Variants in CNTNAP2 observed in about 807,000 individuals in gnomAD.
The protein encoded by CNTNAP2 is contactin associated protein 2.
Under a neutral mutation model 155.2 loss-of-function variants are expected in CNTNAP2, and 98 were observed. The observed-to-expected ratio is 0.63, with a 90% CI of 0.54 to 0.75. The LOEUF (loss-of-function observed/expected upper bound fraction) is 0.75. Ranked by LOEUF, CNTNAP2 falls within the 30% of genes least tolerant of loss-of-function variation. CNTNAP2 has a pLI of 0.00. For missense variants in CNTNAP2, 1,727 were observed against 1,688.1 expected (o/e 1.02, Z -0.40); for synonymous variants, 651 against 631.2 (o/e 1.03, Z -0.47).
chr7:147,023,967 C>T (rs74901004), intron 3 of CNTNAP2, among the ~76,000 whole-genome samples: 133 of 152,294 alleles, frequency 8.7e-4, no homozygotes, highest in African/African-American at 2.9e-3. Flanking sequence ...CCCGAATCTC[C>T]TATTCATGTT....
chr7:146,117,184 T>G, intron 1 of CNTNAP2: 1 of 572,766 alleles, frequency 1.7e-6, no homozygotes, highest in African/African-American at 1.9e-5. Context: ...CTGGTGATGT[T>G]TCTGGAAAGT....
chr7:147,842,581 ACTTTT>A (rs1354968253), intron 13 of CNTNAP2, among the ~76,000 whole-genome samples: 5 of 56,560 alleles, frequency 8.8e-5, no homozygotes, highest in Admixed American at 4.2e-4. Context: ...TTTACTTTTT[ACTTTT>A]CTTTTTTTTT....
At chr7:147,705,166 C>A (rs1353708830) in intron 13 of CNTNAP2, among the ~76,000 whole-genome samples, 1 of 11,156 alleles carries the variant, frequency 9.0e-5, no homozygotes, top group Non-Finnish European at 1.3e-4. Context: ...TTATTGAAAT[C>A]TTTCTACTTT....
At chr7:147,630,956 C>G (rs1183815925) in intron 12 of CNTNAP2, among the ~76,000 whole-genome samples, 3 of 151,786 alleles carry the variant, frequency 2.0e-5, no homozygotes, top group African/African-American at 7.3e-5. Context: ...TAACATAGTA[C>G]TGGAACTCCT....
intron 1 of CNTNAP2, among the ~76,000 whole-genome samples, chr7:146,378,799 A>G (rs149821974): frequency 6.6e-6 from 1 of 152,350 alleles, no homozygotes; most frequent in East Asian, 1.9e-4. Flanking sequence ...GAAGGAGTAA[A>G]CTTTCTTGTT....
chr7:147,280,735 T>G (rs567194184), intron 8 of CNTNAP2, among the ~76,000 whole-genome samples: 1 of 152,082 alleles, frequency 6.6e-6, no homozygotes, highest in Non-Finnish European at 1.5e-5. Flanking sequence ...ACATAGAAAT[T>G]GTTCTGATGT....
At chr7:148,143,594 A>T (rs773115265) in intron 16 of CNTNAP2, among the ~76,000 whole-genome samples, 9 of 152,174 alleles carry the variant, frequency 5.9e-5, no homozygotes, top group Non-Finnish European at 1.2e-4. Context: ...TGGGAGAATC[A>T]TCTGAGCCCA....
At chr7:148,046,356 G>A (rs1802774322) in intron 15 of CNTNAP2, among the ~76,000 whole-genome samples, 1 of 152,054 alleles carries the variant, frequency 6.6e-6, no homozygotes, top group African/African-American at 2.4e-5. Flanking sequence ...ATAACATGTA[G>A]TTTATATCCA....
chr7:146,882,793 C>A (rs1795579269), intron 3 of CNTNAP2, among the ~76,000 whole-genome samples: 1 of 152,104 alleles, frequency 6.6e-6, no homozygotes, highest in South Asian at 2.1e-4. Context: ...AGGCTGAGAA[C>A]CAAATCAAGA....
At chr7:146,962,941 C>T (rs984052868) in intron 3 of CNTNAP2, 2 of 152,194 alleles carry the variant, frequency 1.3e-5, no homozygotes, top group African/African-American at 4.8e-5. Context: ...AGATCAGGAG[C>T]TACTGGAGAT....
intron 11 of CNTNAP2, among the ~76,000 whole-genome samples, chr7:147,537,404 C>A (rs1009016232): frequency 1.3e-5 from 2 of 152,100 alleles, no homozygotes; most frequent in African/African-American, 4.8e-5. Flanking sequence ...TAACAAAATT[C>A]ATTCATTCCA....
chr7:146,632,779 A>C (rs2129159131), intron 1 of CNTNAP2, among the ~76,000 whole-genome samples: 1 of 152,126 alleles, frequency 6.6e-6, no homozygotes, highest in Non-Finnish European at 1.5e-5. Context: ...AAGGAATTTA[A>C]AATTATAATC....
At chr7:147,409,384 A>G (rs1797064295) in intron 10 of CNTNAP2, among the ~76,000 whole-genome samples, 1 of 152,200 alleles carries the variant, frequency 6.6e-6, no homozygotes, top group Non-Finnish European at 1.5e-5. Flanking sequence ...TCCTTACACA[A>G]TATACAAAAA....
intron 1 of CNTNAP2, among the ~76,000 whole-genome samples, chr7:146,149,744 A>G (rs1257700340): frequency 6.6e-6 from 1 of 152,246 alleles, no homozygotes; most frequent in East Asian, 1.9e-4. Context: ...ACACAAAAGT[A>G]ATTATAGATG....
At chr7:147,690,373 T>C (rs945975822) in intron 13 of CNTNAP2, among the ~76,000 whole-genome samples, 4 of 152,158 alleles carry the variant, frequency 2.6e-5, no homozygotes, top group Non-Finnish European at 5.9e-5. Context: ...TTTATTGCAT[T>C]TCTGTGTAGC....
chr7:148,000,215 G>A (rs540882068), intron 15 of CNTNAP2, among the ~76,000 whole-genome samples: 2 of 152,286 alleles, frequency 1.3e-5, no homozygotes, highest in African/African-American at 2.4e-5. Flanking sequence ...TCTTGAGAGA[G>A]AAAGGGTTCT....
intron 13 of CNTNAP2, among the ~76,000 whole-genome samples, chr7:147,692,261 G>A (rs1796097894): frequency 6.6e-6 from 1 of 152,054 alleles, no homozygotes; most frequent in Non-Finnish European, 1.5e-5. Flanking sequence ...CTTACCTACT[G>A]AAGGACATCT....
At chr7:148,137,695 A>C (rs984143039) in intron 16 of CNTNAP2, among the ~76,000 whole-genome samples, 1 of 148,428 alleles carries the variant, frequency 6.7e-6, no homozygotes, top group South Asian at 2.2e-4. Context: ...GAAGGAAGGA[A>C]GGAAGGAAGG....
chr7:148,278,823 G>A (rs1229505406), intron 21 of CNTNAP2, among the ~76,000 whole-genome samples: 1 of 152,214 alleles, frequency 6.6e-6, no homozygotes, highest in Non-Finnish European at 1.5e-5. Context: ...ATGTTACAAT[G>A]GCCAGGAAAG....
Sources: allele counts gnomAD v4.1 joint callset (sites outside exome capture counted in the v4.1 genomes callset), GRCh38; gene constraint gnomAD v4.1.1; transcripts MANE v1.5; gene names NCBI Gene and HGNC (gene_info 2026-07-23, HGNC 2026-07-21).